The following TNIK variants were observed in gnomAD, a reference collection of about 807,000 sequenced individuals.
TNIK encodes the protein TRAF2 and NCK-interacting protein kinase.
In TNIK, 49 loss-of-function variants were observed where a neutral mutation model predicts 191.3. The observed-to-expected ratio is 0.26, with a 90% CI of 0.20 to 0.32. The LOEUF (loss-of-function observed/expected upper bound fraction) is 0.32, where lower values mean the gene tolerates loss of function less well. Among genes scored for constraint, TNIK ranks in the 10% least tolerant of loss-of-function variants. TNIK has a pLI of 1.00. For missense variants in TNIK, 1,155 were observed against 1,702.3 expected (o/e 0.68, Z 5.66); for synonymous variants, 594 against 600.9 (o/e 0.99, Z 0.17).
At chr3:171,071,544 A>T (rs1273843000) in intron 28 of TNIK, 1 of 495,822 alleles carries the variant, frequency 2.0e-6, no homozygotes, top group East Asian at 3.4e-5. Flanking sequence ...TTTGCTTTAT[A>T]TTGAAGACTT....
intron 3 of TNIK, among the ~76,000 whole-genome samples, chr3:171,211,972 A>G (rs1740886240): frequency 6.6e-6 from 1 of 152,148 alleles, no homozygotes; most frequent in Non-Finnish European, 1.5e-5. Context: ...GTGCTGGTGG[A>G]GATGGTGACC....
Position 171,101,431 on chromosome 3 carries a change from T to C in TNIK, c.2591+18A>G. ...CCTAGTCCCCTCCCGGTCTACACTT[T>C]AAAAGTAGTTCTCTTACATCAGTCT... On this transcript the variant is annotated intron_variant, in intron 22 of 32. Transcript: ENST00000436636. The C allele has an allele frequency of 6.3e-7, 1 of 1,587,058 alleles. No homozygotes were observed. The highest frequency in any genetic ancestry group is 8.5e-7 in the Non-Finnish European group (1 of 1,170,578).
At chr3:171,262,376 CAG>C (rs1308258355) in intron 2 of TNIK, among the ~76,000 whole-genome samples, 4 of 151,938 alleles carry the variant, frequency 2.6e-5, no homozygotes, top group South Asian at 2.1e-4. Context: ...ATTAGATTGA[CAG>C]AAAGAACAAA....
At chr3:171,388,352 G>T (rs1412601378) in intron 1 of TNIK, among the ~76,000 whole-genome samples, 1 of 152,190 alleles carries the variant, frequency 6.6e-6, no homozygotes, top group Non-Finnish European at 1.5e-5. Context: ...TTCTGAAAAG[G>T]TTAGGGGTCT....
intron 1 of TNIK, among the ~76,000 whole-genome samples, chr3:171,416,987 T>G (rs1723170512): frequency 6.6e-6 from 1 of 152,172 alleles, no homozygotes; most frequent in Non-Finnish European, 1.5e-5. Flanking sequence ...ATAAATGGGT[T>G]GTTGAATTTT....
intron 21 of TNIK, among the ~76,000 whole-genome samples, chr3:171,104,752 T>C (rs1724431994): frequency 6.6e-6 from 1 of 152,172 alleles, no homozygotes; most frequent in Admixed American, 6.5e-5. Context: ...TTAGGAACTC[T>C]AAAGATATGA....
At chr3:171,289,189 A>G (rs2108228546) in intron 2 of TNIK, among the ~76,000 whole-genome samples, 1 of 152,344 alleles carries the variant, frequency 6.6e-6, no homozygotes, top group South Asian at 2.1e-4. Context: ...ATTGGAAGTT[A>G]GAACACCTGG....
At chr3:171,273,819 T>G (rs1324330673) in intron 2 of TNIK, among the ~76,000 whole-genome samples, 1 of 152,198 alleles carries the variant, frequency 6.6e-6, no homozygotes, top group African/African-American at 2.4e-5. Flanking sequence ...TAATGAACCT[T>G]GCAAACTATT....
In TNIK at chr3:171,336,991, GAC is replaced by G. The variant is rs201975292; in HGVS notation, c.123+32627_123+32628del. Among the ~76,000 whole-genome samples, 894 of 152,302 alleles carry G rather than the reference GAC, an allele frequency of 5.9e-3. 9 individuals are homozygous for G. Among genetic ancestry groups the G allele is most frequent in the African/African-American group, 0.021 (853 of 41,570 alleles). ...TTCCCTGTGGAAGCCTCTGGATTCT[GAC>G]ACAGCTTCACCTCTTCCCCACAGCC... On this transcript the variant is annotated intron_variant, in intron 2 of 32. Coordinates refer to ENST00000436636, the MANE Select transcript of TNIK (RefSeq NM_015028.4).
At chr3:171,138,613 G>A (rs1489252174) in intron 14 of TNIK, among the ~76,000 whole-genome samples, 7 of 152,042 alleles carry the variant, frequency 4.6e-5, no homozygotes, top group Admixed American at 4.6e-4. Flanking sequence ...CTTTAAAATG[G>A]CAATCCCTAC....
At chr3:171,203,324 T>C (rs1432626372) in intron 4 of TNIK, among the ~76,000 whole-genome samples, 1 of 152,210 alleles carries the variant, frequency 6.6e-6, no homozygotes, top group Admixed American at 6.5e-5. Flanking sequence ...GTTTGTTTCT[T>C]AGTTCATCCC....
At chr3:171,251,929 A>T (rs11711471) in intron 2 of TNIK, among the ~76,000 whole-genome samples, 4,210 of 152,332 alleles carry the variant, frequency 0.028, 75 homozygotes, top group African/African-American at 0.04. Context: ...ACCAAAAAGA[A>T]ATTTTGTGGT....
At chr3:171,305,433 C>A (rs576398105) in intron 2 of TNIK, among the ~76,000 whole-genome samples, 1 of 152,260 alleles carries the variant, frequency 6.6e-6, no homozygotes, top group Admixed American at 6.5e-5. Context: ...AGAAAACCTA[C>A]AGGATGGGAG....
intron 2 of TNIK, among the ~76,000 whole-genome samples, chr3:171,329,836 G>A (rs892739546): frequency 6.6e-6 from 1 of 152,164 alleles, no homozygotes; most frequent in African/African-American, 2.4e-5. Context: ...TTCATTAAAA[G>A]CATATTCTTT....
intron 1 of TNIK, among the ~76,000 whole-genome samples, chr3:171,438,831 T>G (rs1726375907): frequency 6.6e-6 from 1 of 152,010 alleles, no homozygotes; most frequent in Admixed American, 6.6e-5. Context: ...CCACTTGTGG[T>G]GGGATCAGAA....
intron 2 of TNIK, among the ~76,000 whole-genome samples, chr3:171,264,061 T>TAC (rs1748034110): frequency 8.9e-6 from 1 of 112,722 alleles, no homozygotes; most frequent in Non-Finnish European, 1.7e-5. Context: ...TGTGTATATA[T>TAC]ATACATACAC....
chr3:171,265,032 G>A (rs1024270777), intron 2 of TNIK, among the ~76,000 whole-genome samples: 2 of 152,192 alleles, frequency 1.3e-5, no homozygotes, highest in African/African-American at 2.4e-5. Context: ...GAAGTTCCAC[G>A]TGGCATGGCA....
intron 2 of TNIK, among the ~76,000 whole-genome samples, chr3:171,298,721 CAATA>C (rs1175710593): frequency 6.6e-6 from 1 of 152,140 alleles, no homozygotes; most frequent in Non-Finnish European, 1.5e-5. Flanking sequence ...TGGATATGTA[CAATA>C]AACAAAATAC....
intron 18 of TNIK, among the ~76,000 whole-genome samples, chr3:171,120,296 G>T (rs1727474394): frequency 6.6e-6 from 1 of 151,554 alleles, no homozygotes; most frequent in Admixed American, 6.6e-5. Flanking sequence ...TAACCGTTAG[G>T]CTCTGCCTTG....
Sources: allele counts gnomAD v4.1 joint callset (sites outside exome capture counted in the v4.1 genomes callset), GRCh38; gene constraint gnomAD v4.1.1; transcripts MANE v1.5; gene names NCBI Gene and HGNC (gene_info 2026-07-23, HGNC 2026-07-21).